The following FAXDC2 variants were observed in gnomAD, a reference collection of about 807,000 sequenced individuals.
FAXDC2 encodes the protein fatty acid hydroxylase domain containing 2.
A neutral mutation model predicts 40.9 loss-of-function variants in FAXDC2; 41 were observed. The ratio of observed to expected loss-of-function variants is 1.00; its 90% CI spans 0.78 to 1.30. FAXDC2 has a LOEUF of 1.30. Ranked by LOEUF, FAXDC2 falls within the 50% of genes most tolerant of loss-of-function variation. The pLI, the probability that FAXDC2 is intolerant of heterozygous loss-of-function variation, is 0.00. For missense variants in FAXDC2, 390 were observed against 408.8 expected (o/e 0.95, Z 0.40); for synonymous variants, 157 against 149.3 (o/e 1.05, Z -0.38).
intron 6 of FAXDC2, 125 bp downstream of exon 6, chr5:154,823,262 C>A: frequency 1.2e-6 from 1 of 833,136 alleles, no homozygotes; most frequent in Non-Finnish European, 1.9e-6. Flanking sequence ...GATCCGCCCA[C>A]CTCAGCCTCC....
intron 2 of FAXDC2, chr5:154,835,210 G>T (rs949006811): frequency 2.4e-5 from 9 of 371,378 alleles, no homozygotes; most frequent in African/African-American, 4.2e-5. Flanking sequence ...AGGCAATTCT[G>T]TCAGTCAGAG....
intron 4 of FAXDC2, chr5:154,831,443 T>G (rs1353746754): frequency 1.3e-5 from 2 of 150,894 alleles, no homozygotes; most frequent in Non-Finnish European, 2.9e-5. Flanking sequence ...GTTTTTTTTT[T>G]GTTGTTTGTT....
At chr5:154,834,325 GGAATTAAGTGTA>G (rs1033929968) in intron 4 of FAXDC2, among the ~76,000 whole-genome samples, 3 of 152,046 alleles carry the variant, frequency 2.0e-5, no homozygotes, top group African/African-American at 7.2e-5. Flanking sequence ...CTGTGCTTGT[GGAATTAAGTGTA>G]GAAACAGGAT....
intron 1 of FAXDC2, among the ~76,000 whole-genome samples, chr5:154,842,346 C>A (rs371381405): frequency 6.6e-5 from 10 of 151,250 alleles, no homozygotes; most frequent in African/African-American, 2.4e-4. Context: ...TACAGGCATG[C>A]ACCACCATGC....
chr5:154,841,128 C>T (rs964739795), intron 1 of FAXDC2, among the ~76,000 whole-genome samples: 3 of 146,354 alleles, frequency 2.0e-5, no homozygotes, highest in African/African-American at 8.0e-5. Context: ...GGCCTAACCC[C>T]TACCCAGAGA....
At chr5:154,848,374 C>T (rs2113177033) in intron 1 of FAXDC2, among the ~76,000 whole-genome samples, 1 of 152,298 alleles carries the variant, frequency 6.6e-6, no homozygotes, top group Middle Eastern at 3.4e-3. Context: ...GGCTTCTTAA[C>T]ACTTTGCCTA....
chr5:154,840,390 T>A (rs1489621352), intron 1 of FAXDC2, among the ~76,000 whole-genome samples: 1 of 152,078 alleles, frequency 6.6e-6, no homozygotes, highest in Non-Finnish European at 1.5e-5. Flanking sequence ...CCCTTTTTTT[T>A]AAATTGATTT....
intron 5 of FAXDC2, 125 bp from the exon 6 acceptor site, chr5:154,823,717 C>T (rs1414626140): frequency 5.9e-5 from 43 of 724,392 alleles, no homozygotes; most frequent in Non-Finnish European, 9.1e-5. Context: ...CAGCCAGTAG[C>T]TCCTGACTGC....
chr5:154,822,179 G>A (rs1457118736), intron 7 of FAXDC2: 2 of 300,782 alleles, frequency 6.6e-6, no homozygotes, highest in Non-Finnish European at 1.2e-5. Flanking sequence ...GATCACATGA[G>A]CCCAGGGGTT....
In FAXDC2 at chr5:154,823,496, T is replaced by C; in HGVS notation, c.463A>G (p.Lys155Glu). The C allele has an allele frequency of 1.9e-6, 3 of 1,614,054 alleles. No individual in the cohort carries two copies. Among genetic ancestry groups the C allele is most frequent in the Non-Finnish European group, 2.5e-6 (3 of 1,179,982 alleles). The change falls in exon 6 of 9, where the codon AAA (lysine) becomes GAA (glutamate). Residue 155 changes from lysine (K) to glutamate (E), a missense_variant. By Grantham distance (56) the Lys-to-Glu change is moderately conservative. Transcript: ENST00000326080. ...PMVVFLYPFL[K>E]WWRDPCRREL... ...CGGCGGCAGGGGTCTCTCCACCATT[T>C]GAGGAAGGGATAGAGGAAGACCACC...
At chr5:154,839,181 C>T (rs1175041639) in intron 1 of FAXDC2, among the ~76,000 whole-genome samples, 1 of 151,642 alleles carries the variant, frequency 6.6e-6, no homozygotes, top group Non-Finnish European at 1.5e-5. Context: ...CAAAAATTAG[C>T]CAGGCATGGT....
Position 154,830,951 on chromosome 5 carries a change from G to A in FAXDC2, c.245-29C>T. 5 of 1,611,348 alleles carry A rather than the reference G, an allele frequency of 3.1e-6. No homozygotes were observed. In the South Asian group the frequency reaches 5.5e-5, roughly 18 times the overall value. On this transcript the variant is annotated intron_variant, in intron 4 of 8. Coordinates refer to ENST00000326080, the MANE Select transcript of FAXDC2 (RefSeq NM_032385.5). ...AGATTGGGAAACAGAAACAGTCAGG[G>A]CGACTTTGGGTTCTCACAGCACATA...
intron 1 of FAXDC2, among the ~76,000 whole-genome samples, chr5:154,848,243 G>A (rs780303950): frequency 1.3e-5 from 2 of 152,058 alleles, no homozygotes; most frequent in African/African-American, 2.4e-5. Flanking sequence ...ACTCTTAGAG[G>A]GGGGAGAAAA....
intron 1 of FAXDC2, among the ~76,000 whole-genome samples, chr5:154,846,672 A>G (rs984666910): frequency 3.3e-5 from 5 of 152,052 alleles, no homozygotes; most frequent in Non-Finnish European, 7.4e-5. Context: ...GGCATGAGCC[A>G]CCATGCCTGG....
At chr5:154,828,810 A>C (rs187549312) in intron 5 of FAXDC2, among the ~76,000 whole-genome samples, 114 of 151,996 alleles carry the variant, frequency 7.5e-4, no homozygotes, top group African/African-American at 2.6e-3. Flanking sequence ...TATGTTGCCC[A>C]GGCTGGTCTT....
intron 5 of FAXDC2, among the ~76,000 whole-genome samples, chr5:154,825,757 G>T (rs1414517069): frequency 6.6e-6 from 1 of 151,596 alleles, no homozygotes; most frequent in East Asian, 1.9e-4. Flanking sequence ...ACTGGATTCT[G>T]AATTTATTTC....
At chr5:154,823,753 TG>T in intron 5 of FAXDC2, 161 bp from the exon 6 acceptor site, 1 of 624,330 alleles carries the variant, frequency 1.6e-6, no homozygotes. Context: ...CTGGAAACGT[TG>T]CAGAATAAGG....
chr5:154,821,274 G>A lies in FAXDC2; in HGVS notation c.831C>T (p.Asp277=). Residue 277 remains aspartate, a synonymous_variant, in exon 8 of 9, where the codon GAC becomes GAT. Transcript: ENST00000326080. ...AAGGTCCTTACTTGAGATGGTGGTA[G>A]TCGTGGAATTCAGGCGAAGGCAGGA... ...LPFLPSPEFH[D]YHHLKFNQCY... is the part of the protein sequence containing the mutation. The A allele has an allele frequency of 2.5e-6, 4 of 1,612,372 alleles. No individual in the cohort carries two copies. Among genetic ancestry groups the A allele is most frequent in the Non-Finnish European group, 3.4e-6 (4 of 1,179,152 alleles).
chr5:154,834,513 A>T, intron 4 of FAXDC2, 112 bp downstream of exon 4: 1 of 778,438 alleles, frequency 1.3e-6, no homozygotes, highest in Non-Finnish European at 2.1e-6. Context: ...TCAAGTCCTC[A>T]TCCCTTGGAA....
Sources: allele counts gnomAD v4.1 joint callset (sites outside exome capture counted in the v4.1 genomes callset), GRCh38; gene constraint gnomAD v4.1.1; transcripts MANE v1.5; gene names NCBI Gene and HGNC (gene_info 2026-07-23, HGNC 2026-07-21).